The following SREBF2 variants were observed in gnomAD, a reference collection of about 807,000 sequenced individuals.
SREBF2 encodes sterol regulatory element binding transcription factor 2, also known as sterol regulatory element-binding protein 2.
In SREBF2, 55 loss-of-function variants were observed where a neutral mutation model predicts 113.1. The observed-to-expected ratio is 0.49, with a 90% CI of 0.39 to 0.61. The LOEUF (loss-of-function observed/expected upper bound fraction) is 0.61. SREBF2 is among the 20% of genes least tolerant of loss of function. SREBF2 has a pLI of 0.00. For synonymous variants in SREBF2, 593 were observed against 605.7 expected (o/e 0.98, Z 0.31); for missense variants, 1,349 against 1,487.4 (o/e 0.91, Z 1.53).
chr22:41,865,733 C>T (rs979650617), intron 1 of SREBF2, among the ~76,000 whole-genome samples: 16 of 152,110 alleles, frequency 1.1e-4, no homozygotes, highest in Non-Finnish European at 2.9e-5. Context: ...CTGGGAAGCA[C>T]GGAGTTCAGG....
rs1569396081 is a variant in SREBF2, at chr22:41,875,732, CTT to C, written c.1386+11_1386+12del. The C allele has an allele frequency of 2.5e-6, 4 of 1,614,082 alleles. No individual in the cohort carries two copies. The highest frequency in any genetic ancestry group is 1.3e-5 in the African/African-American group (1 of 75,048). The stretch of plus-strand genomic sequence containing the variant: ...CTATTGGATGATGCAAAGGTACAGA[CTT>C]TTGAAATCTCCTGATCCCTGGAATC... On this transcript the variant is annotated intron_variant, in intron 7 of 18. Coordinates refer to ENST00000361204, the MANE Select transcript of SREBF2 (RefSeq NM_004599.4).
At chr22:41,884,715 G>T in intron 10 of SREBF2, 127 bp from the exon 11 acceptor site, 1 of 978,284 alleles carries the variant, frequency 1.0e-6, no homozygotes, top group Middle Eastern at 2.6e-4. Context: ...GATCAGGCCT[G>T]TCTGATCACA....
At chr22:41,900,519 C>T in intron 16 of SREBF2, 21 bp downstream of exon 16, 1 of 1,610,248 alleles carries the variant, frequency 6.2e-7, no homozygotes, top group Non-Finnish European at 8.5e-7. Context: ...GCTGAGTTGG[C>T]CCCTGGGGGA....
intron 7 of SREBF2, 127 bp from the exon 8 acceptor site, chr22:41,877,102 C>T (rs2077203356): frequency 2.1e-6 from 2 of 957,360 alleles, no homozygotes; most frequent in Non-Finnish European, 3.2e-6. Context: ...CCCATCTGGC[C>T]TTAGTCCTGA....
chr22:41,853,823 C>T lies in SREBF2; in HGVS notation c.89-13008C>T, dbSNP rs577088686. ...GGCCGCGGCAGGTGGATCACAAGGT[C>T]AGGAGATCAAGACCATCCTGGCTAA... On this transcript the variant is annotated intron_variant, in intron 1 of 18. Coordinates refer to ENST00000361204, the MANE Select transcript of SREBF2 (RefSeq NM_004599.4). 3.9e-5 allele frequency among the ~76,000 whole-genome samples: 6 copies of T among 152,160 alleles called. No homozygotes were observed. In the East Asian group the frequency reaches 5.8e-4, roughly 15 times the overall value.
chr22:41,870,270 T>C (rs2077127346), intron 3 of SREBF2, among the ~76,000 whole-genome samples: 1 of 152,180 alleles, frequency 6.6e-6, no homozygotes, highest in African/African-American at 2.4e-5. Context: ...ACCCTACCCA[T>C]CTCTGCTCTG....
intron 11 of SREBF2, chr22:41,886,290 C>T (rs1406571229): frequency 6.6e-6 from 1 of 152,136 alleles, no homozygotes; most frequent in Admixed American, 6.5e-5. Flanking sequence ...ACCAGGTCTT[C>T]AGGACAGTGT....
Position 41,877,381 on chromosome 22 carries a change from A to G in SREBF2, c.1539A>G (p.Pro513=). 1 of 1,614,154 alleles carries G rather than the reference A, an allele frequency of 6.2e-7. No individual in the cohort carries two copies. The highest frequency in any genetic ancestry group is 8.5e-7 in the Non-Finnish European group (1 of 1,180,018). Residue 513 remains proline, a synonymous_variant, in exon 8 of 19, where the codon CCA becomes CCG. Transcript: ENST00000361204. Reference sequence around the variant, plus strand: ...GGGCCCACGACTCTGACCAGCACCCACACTCAGGCTCTGGCCGCAGTGTCC... The same window carrying G: ...GGGCCCACGACTCTGACCAGCACCCGCACTCAGGCTCTGGCCGCAGTGTCC... ...WGGAHDSDQH[P]HSGSGRSVLS... is the part of the protein sequence containing the mutation.
At chr22:41,852,940 G>A (rs2076945728) in intron 1 of SREBF2, among the ~76,000 whole-genome samples, 1 of 151,838 alleles carries the variant, frequency 6.6e-6, no homozygotes, top group Admixed American at 6.6e-5. Flanking sequence ...AGTAGAGACG[G>A]GGTTTCACCA....
Position 41,833,374 on chromosome 22 carries a change from G to C in SREBF2, c.88+16G>C. 2.0e-6 allele frequency: 3 copies of C among 1,499,546 alleles called. No homozygotes were observed. The highest frequency in any genetic ancestry group is 2.7e-6 in the Non-Finnish European group (3 of 1,111,860). The allele number at this position is 1,499,546 out of a possible 1,614,324, so 92.9% of individuals were successfully genotyped here. Reference sequence around the variant, plus strand: ...GACATCGACGGTGAGTGGTGGGTGGGTGGGAGTGCGGGGGCCGCGCGGGGA... The same window carrying C: ...GACATCGACGGTGAGTGGTGGGTGGCTGGGAGTGCGGGGGCCGCGCGGGGA... On this transcript the variant is annotated intron_variant, in intron 1 of 18. Transcript: ENST00000361204. This position sits in a 1 kb window ranked among gnomAD's most constrained non-coding sequence, Gnocchi z 4.1.
At position 41,885,107 on chromosome 22, in the gene SREBF2, C is replaced by T. The variant is rs2077287959; in HGVS notation, c.2208+96C>T. On this transcript the variant is annotated intron_variant, in intron 11 of 18. Coordinates refer to ENST00000361204, the MANE Select transcript of SREBF2 (RefSeq NM_004599.4). ...AGCAGTTATGAACCCCCTTCCCCATCAGGTGCTGCCCACCTGGAGGGGTAG... is the reference window on the plus strand; with the variant it reads ...AGCAGTTATGAACCCCCTTCCCCATTAGGTGCTGCCCACCTGGAGGGGTAG... The T allele has an allele frequency of 6.3e-6, 9 of 1,434,472 alleles. No individual in the cohort carries two copies. In the Admixed American group the frequency reaches 9.6e-5, roughly 15 times the overall value. The allele number at this position is 1,434,472 out of a possible 1,614,324, so 88.9% of individuals were successfully genotyped here.
Position 41,896,892 on chromosome 22 carries a change from C to T in SREBF2, c.2496-160C>T, listed in dbSNP as rs2269659. On this transcript the variant is annotated intron_variant, in intron 13 of 18. Coordinates refer to ENST00000361204, the MANE Select transcript of SREBF2 (RefSeq NM_004599.4). ...ACGGAGGAAGGATGCCTGAGGAATA[C>T]AAAGGGTACACATAGACAGCGCTTG... 5.2e-3 allele frequency among the ~76,000 whole-genome samples: 786 copies of T among 152,228 alleles called. 6 individuals are homozygous for T. The highest frequency in any genetic ancestry group is 0.017 in the East Asian group (87 of 5,170).
intron 11 of SREBF2, among the ~76,000 whole-genome samples, chr22:41,890,687 G>A (rs932121574): frequency 2.7e-5 from 4 of 148,724 alleles, no homozygotes; most frequent in Admixed American, 6.7e-5. Flanking sequence ...TTTTTTTTTG[G>A]CTTGGGATTA....
chr22:41,856,313 G>A (rs1342322948), intron 1 of SREBF2, among the ~76,000 whole-genome samples: 1 of 151,952 alleles, frequency 6.6e-6, no homozygotes, highest in African/African-American at 2.4e-5. Context: ...ATTTTTTGTA[G>A]AGATGGAGTC....
At chr22:41,851,783 C>A (rs1342330554) in intron 1 of SREBF2, among the ~76,000 whole-genome samples, 1 of 151,812 alleles carries the variant, frequency 6.6e-6, no homozygotes, top group African/African-American at 2.4e-5. Context: ...GCATGAGCCA[C>A]CGCACCCAGC....
intron 2 of SREBF2, among the ~76,000 whole-genome samples, chr22:41,868,313 T>A (rs1004878238): frequency 6.6e-6 from 1 of 152,162 alleles, no homozygotes; most frequent in Non-Finnish European, 1.5e-5. Context: ...AGTTGTTGAT[T>A]CTCAACATCT....
chr22:41,833,285 C>G lies in SREBF2; in HGVS notation c.15C>G (p.Gly5=). Residue 5 remains glycine, a synonymous_variant, in exon 1 of 19, where the codon GGC becomes GGG. Transcript: ENST00000361204. The surrounding 1 kb of genome is among the most constrained non-coding windows in gnomAD (Gnocchi z 4.1). ...TGAGCCGGGCGATGGACGACAGCGG[C>G]GAGCTGGGTGGTCTGGAGACCATGG... is the stretch of plus-strand genomic sequence containing the variant. The part of the protein sequence containing the change: MDDS[G]ELGGLETMET... The G allele has an allele frequency of 6.9e-7, 1 of 1,451,316 alleles. No individual in the cohort carries two copies. Among genetic ancestry groups the G allele is most frequent in the Non-Finnish European group, 9.2e-7 (1 of 1,090,454 alleles). The allele number at this position is 1,451,316 out of a possible 1,614,324, so 89.9% of individuals were successfully genotyped here. A position where few individuals can be genotyped will look rare whatever the true frequency, so the allele number is the denominator to read the frequency against.
chr22:41,903,278 G>C (rs1269963201), intron 17 of SREBF2, 123 bp downstream of exon 17: 19 of 1,179,946 alleles, frequency 1.6e-5, no homozygotes, highest in Non-Finnish European at 2.2e-5. Flanking sequence ...CTGGTGACCT[G>C]TCGAGCACCT....
At chr22:41,869,207 C>G (rs1387497227) in intron 3 of SREBF2, among the ~76,000 whole-genome samples, 1 of 152,124 alleles carries the variant, frequency 6.6e-6, no homozygotes, top group Admixed American at 6.5e-5. Flanking sequence ...CGGGTTCAAG[C>G]AGTTCTGCTG....
Sources: gnomAD v4.1 joint callset for allele counts (sites outside exome capture counted in the v4.1 genomes callset) on GRCh38, gnomAD v4.1.1 for gene constraint, Gnocchi (gnomAD v3.1) non-coding constraint, MANE v1.5 for transcripts, NCBI Gene and HGNC (gene_info 2026-07-23, HGNC 2026-07-21) for gene names.